The following MCCC2 variants were observed in gnomAD, a reference collection of about 807,000 sequenced individuals.
MCCC2 encodes the protein methylcrotonoyl-CoA carboxylase beta chain, mitochondrial.
In MCCC2, 52 loss-of-function variants were observed where a neutral mutation model predicts 77.2. The ratio of observed to expected loss-of-function variants is 0.67; its 90% CI spans 0.54 to 0.85. MCCC2 has a LOEUF of 0.85. MCCC2 is among the 40% of genes least tolerant of loss of function. The probability of loss-of-function intolerance (pLI) is 0.00; values close to 1 mark genes in which losing one functional copy is unlikely to be tolerated. For missense variants in MCCC2, 682 were observed against 703.2 expected (o/e 0.97, Z 0.34); for synonymous variants, 253 against 248.4 (o/e 1.02, Z -0.18).
intron 6 of MCCC2, among the ~76,000 whole-genome samples, chr5:71,616,502 A>G (rs1746159004): frequency 6.6e-6 from 1 of 152,166 alleles, no homozygotes; most frequent in Admixed American, 6.5e-5. Flanking sequence ...AAATACCCCC[A>G]CATATCTGGT....
chr5:71,615,410 G>A (rs544954024), intron 6 of MCCC2, among the ~76,000 whole-genome samples: 13 of 151,934 alleles, frequency 8.6e-5, no homozygotes, highest in Admixed American at 2.6e-4. Flanking sequence ...TTTCCTTTTC[G>A]TGAAATTCTC....
At chr5:71,632,785 A>G (rs1386549392) in intron 8 of MCCC2, among the ~76,000 whole-genome samples, 2 of 152,068 alleles carry the variant, frequency 1.3e-5, no homozygotes, top group East Asian at 3.9e-4. Context: ...AGATGCACGT[A>G]GTTGGCTCTT....
Position 71,635,215 on chromosome 5 carries a change from C to G in MCCC2, c.968C>G (p.Ala323Gly). The part of the protein sequence containing the change: ...PADELYGIVG[A>G]NLKRSFDVRE... ...GATGAATTGTATGGAATAGTTGGTG[C>G]TAACCTTAAGAGGAGCTTTGATGTC... Residue 323 changes from alanine to glycine, a missense_variant, in exon 10 of 17, where the codon GCT becomes GGT. Coordinates refer to ENST00000340941, the MANE Select transcript of MCCC2 (RefSeq NM_022132.5). 1 of 1,614,108 alleles carries G rather than the reference C, an allele frequency of 6.2e-7. No homozygotes were observed. The highest frequency in any genetic ancestry group is 8.5e-7 in the Non-Finnish European group (1 of 1,179,978).
intron 7 of MCCC2, among the ~76,000 whole-genome samples, chr5:71,627,909 T>C (rs980310754): frequency 7.2e-5 from 11 of 152,116 alleles, no homozygotes; most frequent in African/African-American, 2.7e-4. Context: ...AGTGGTGTGA[T>C]CTTGGCTCAC....
At chr5:71,640,873 G>A (rs574144435) in intron 10 of MCCC2, 130 bp from the exon 11 acceptor site, 13 of 780,066 alleles carry the variant, frequency 1.7e-5, no homozygotes, top group Non-Finnish European at 2.7e-5. Context: ...ATTCTAGTGA[G>A]ATTTTCTGTG....
chr5:71,604,328 G>T, intron 5 of MCCC2, 28 bp from the exon 6 acceptor site: 1 of 1,573,572 alleles, frequency 6.4e-7, no homozygotes, highest in Non-Finnish European at 8.7e-7. Flanking sequence ...TCATAGAGAT[G>T]CTTATGTTTC....
chr5:71,624,182 G>C (rs537349112), intron 6 of MCCC2, among the ~76,000 whole-genome samples: 1 of 152,218 alleles, frequency 6.6e-6, no homozygotes, highest in Admixed American at 6.5e-5. Flanking sequence ...GGGAGGGGGG[G>C]CCCTACCTCA....
chr5:71,633,119 A>ATT (rs1188256414), intron 8 of MCCC2, among the ~76,000 whole-genome samples: 581 of 28,668 alleles, frequency 0.02, 24 homozygotes, highest in Non-Finnish European at 0.038. Flanking sequence ...ATATATATAT[A>ATT]TATATATATA....
At chr5:71,636,942 C>T (rs966029848) in intron 10 of MCCC2, among the ~76,000 whole-genome samples, 3 of 151,670 alleles carry the variant, frequency 2.0e-5, no homozygotes, top group Non-Finnish European at 4.4e-5. Context: ...CGGGGTTTCA[C>T]CATGTTGGTC....
intron 1 of MCCC2, 117 bp downstream of exon 1, chr5:71,587,671 G>A: frequency 1.5e-6 from 2 of 1,354,240 alleles, no homozygotes; most frequent in Non-Finnish European, 2.0e-6. Context: ...ATTCTGTGAC[G>A]CACGTGAAGT....
intron 4 of MCCC2, 117 bp downstream of exon 4, chr5:71,599,877 T>C (rs963147125): frequency 1.2e-6 from 1 of 857,094 alleles, no homozygotes; most frequent in Non-Finnish European, 1.9e-6. Context: ...TTATATTATG[T>C]AGGACTGGCT....
At chr5:71,646,386 GT>G in intron 13 of MCCC2, 109 bp downstream of exon 13, 1 of 951,506 alleles carries the variant, frequency 1.1e-6, no homozygotes, top group Admixed American at 1.9e-5. Context: ...AGAGCAGGAA[GT>G]TCTACTGGAC....
At chr5:71,639,961 A>G (rs1747067374) in intron 10 of MCCC2, among the ~76,000 whole-genome samples, 1 of 152,228 alleles carries the variant, frequency 6.6e-6, no homozygotes, top group African/African-American at 2.4e-5. Context: ...CAAGATTTTG[A>G]TTGATGTGGC....
rs767771182 is a variant in MCCC2 at position 71,587,399 on chromosome 5, C to T, written c.-27C>T. Reference sequence around the variant, plus strand: ...AGCACCGGCTCCAGGCCAGCGTGGGCCGCTCTCTCGCTCGGTGCCCGCCGC... The same window carrying T: ...AGCACCGGCTCCAGGCCAGCGTGGGTCGCTCTCTCGCTCGGTGCCCGCCGC... On this transcript the variant is annotated 5_prime_UTR_variant, in exon 1 of 17. Coordinates refer to ENST00000340941, the MANE Select transcript of MCCC2 (RefSeq NM_022132.5). The T allele has an allele frequency of 4.6e-6, 7 of 1,532,176 alleles. No homozygotes were observed. In the African/African-American group the frequency reaches 6.9e-5, roughly 15 times the overall value. The allele number at this position is 1,532,176 out of a possible 1,614,324, so 94.9% of individuals were successfully genotyped here. A position where few individuals can be genotyped will look rare whatever the true frequency, so the allele number is the denominator to read the frequency against.
chr5:71,646,605 A>G (rs774512163), intron 13 of MCCC2, among the ~76,000 whole-genome samples: 4 of 152,168 alleles, frequency 2.6e-5, no homozygotes, highest in East Asian at 1.9e-4. Context: ...AGCTCAAGCA[A>G]TCTGCCCGCC....
intron 15 of MCCC2, among the ~76,000 whole-genome samples, chr5:71,651,231 T>C (rs1747429166): frequency 6.6e-6 from 1 of 152,244 alleles, no homozygotes; most frequent in Admixed American, 6.5e-5. Flanking sequence ...TATTTTACTT[T>C]TAGATTGTTG....
At chr5:71,626,820 T>A in intron 7 of MCCC2, 67 bp downstream of exon 7, 1 of 1,369,140 alleles carries the variant, frequency 7.3e-7, no homozygotes, top group Non-Finnish European at 1.0e-6. Flanking sequence ...CCATTTAAAC[T>A]ATTTTTTGAT....
intron 1 of MCCC2, among the ~76,000 whole-genome samples, chr5:71,591,831 C>T (rs1366302455): frequency 1.3e-5 from 2 of 152,216 alleles, no homozygotes; most frequent in Non-Finnish European, 2.9e-5. Context: ...TAGTTCACTG[C>T]AGCTTCAAAC....
intron 10 of MCCC2, among the ~76,000 whole-genome samples, chr5:71,637,996 C>T (rs1274708321): frequency 6.6e-6 from 1 of 151,856 alleles, no homozygotes; most frequent in Non-Finnish European, 1.5e-5. Context: ...ACAGGCATCA[C>T]CCACCGCGCC....
Sources: allele counts gnomAD v4.1 joint callset (sites outside exome capture counted in the v4.1 genomes callset), GRCh38; gene constraint gnomAD v4.1.1; transcripts MANE v1.5; gene names NCBI Gene and HGNC (gene_info 2026-07-23, HGNC 2026-07-21).